The following POC1B variants were observed in gnomAD, a reference collection of about 807,000 sequenced individuals.
POC1B encodes POC1 centriolar protein B, also known as POC1 centriolar protein homolog B.
A neutral mutation model predicts 60.6 loss-of-function variants in POC1B; 44 were observed. That is an observed-to-expected ratio of 0.73 (90% confidence interval 0.57 to 0.93). POC1B has a LOEUF of 0.93. Ranked by LOEUF, POC1B falls within the 40% of genes least tolerant of loss-of-function variation. The pLI, the probability that POC1B is intolerant of heterozygous loss-of-function variation, is 0.00. For missense variants in POC1B, 555 were observed against 572.3 expected (o/e 0.97, Z 0.31); for synonymous variants, 180 against 198.9 (o/e 0.90, Z 0.80).
downstream of POC1B, among the ~76,000 whole-genome samples, chr12:89,419,537 G>C (rs560608433): frequency 7.2e-5 from 11 of 152,258 alleles, no homozygotes; most frequent in East Asian, 2.1e-3. Flanking sequence ...CTATGAGATT[G>C]TTAGAGATGC....
chr12:89,516,104 T>C (rs1021695005), intron 2 of POC1B, among the ~76,000 whole-genome samples: 2 of 152,136 alleles, frequency 1.3e-5, no homozygotes, highest in African/African-American at 4.8e-5. Flanking sequence ...TGATTCTCTA[T>C]TAGTTTCTTC....
intron 2 of POC1B, among the ~76,000 whole-genome samples, chr12:89,511,415 C>CAA (rs796324772): frequency 0.012 from 1,217 of 104,498 alleles, 19 homozygotes; most frequent in African/African-American, 0.039. Flanking sequence ...GACTCTGTCT[C>CAA]AAAAAAAAAA....
At chr12:89,423,076 C>A (rs1199553844) in intron 11 of POC1B, among the ~76,000 whole-genome samples, 1 of 152,108 alleles carries the variant, frequency 6.6e-6, no homozygotes, top group Non-Finnish European at 1.5e-5. Flanking sequence ...TTGATCTTAG[C>A]TCCCTGCAAC....
chr12:89,441,925 T>C (rs1367187560), intron 10 of POC1B, among the ~76,000 whole-genome samples: 2 of 152,148 alleles, frequency 1.3e-5, no homozygotes, highest in South Asian at 4.1e-4. Context: ...TATGACCTGA[T>C]AGAGCTGAAA....
At chr12:89,504,420 A>G (rs1033706136) in intron 2 of POC1B, among the ~76,000 whole-genome samples, 10 of 152,136 alleles carry the variant, frequency 6.6e-5, no homozygotes, top group Non-Finnish European at 1.5e-4. Context: ...GCTCCTTAAG[A>G]GTCATCACCA....
chr12:89,402,490 A>G, the POC1B span, among the ~76,000 whole-genome samples: 1 of 151,912 alleles, frequency 6.6e-6, no homozygotes, highest in African/African-American at 2.4e-5. Context: ...CCAGTACCCA[A>G]TAGTTATCTT....
chr12:89,467,961 T>C (rs1313078733), intron 7 of POC1B, among the ~76,000 whole-genome samples: 1 of 152,236 alleles, frequency 6.6e-6, no homozygotes, highest in African/African-American at 2.4e-5. Context: ...AGCTTTTACA[T>C]ATGTAAGTTC....
At chr12:89,413,744 T>C in the POC1B span, among the ~76,000 whole-genome samples, 1 of 152,154 alleles carries the variant, frequency 6.6e-6, no homozygotes. Flanking sequence ...TGAATTTTTT[T>C]TTACTTCCAT....
the POC1B span, among the ~76,000 whole-genome samples, chr12:89,404,300 CTG>C: frequency 6.6e-6 from 1 of 152,090 alleles, no homozygotes; most frequent in African/African-American, 2.4e-5. Context: ...TGGCCATGTT[CTG>C]TGTGTTTCCA....
intron 4 of POC1B, among the ~76,000 whole-genome samples, chr12:89,477,813 C>T (rs971998140): frequency 6.6e-6 from 1 of 152,148 alleles, no homozygotes; most frequent in African/African-American, 2.4e-5. Context: ...ATGCTCATAG[C>T]TCTCTAGGAC....
At chr12:89,503,133 CCT>C (rs1323865226) in intron 2 of POC1B, among the ~76,000 whole-genome samples, 4 of 149,312 alleles carry the variant, frequency 2.7e-5, no homozygotes, top group East Asian at 2.0e-4. Context: ...TCTCCCTCTC[CCT>C]CTCTTTCCAC....
At position 89,421,066 on chromosome 12, in the gene POC1B, T is replaced by C. The variant is rs753793807; in HGVS notation, c.*87A>G. On this transcript the variant is annotated 3_prime_UTR_variant, in exon 12 of 12. Coordinates refer to ENST00000313546, the MANE Select transcript of POC1B (RefSeq NM_172240.3). ...ATAAATAGCACATGGTTGTGTTGTA[T>C]GGAGTATCTTGTACTACCTTCCTGA... is the stretch of plus-strand genomic sequence containing the variant. 1.0e-6 allele frequency: 1 copy of C among 970,080 alleles called. No individual in the cohort carries two copies. Among genetic ancestry groups the C allele is most frequent in the Non-Finnish European group, 1.5e-6 (1 of 652,828 alleles). 60.1% of individuals were successfully genotyped at this position (970,080 alleles called of 1,614,324 possible). A position where few individuals can be genotyped will look rare whatever the true frequency, so the allele number is the denominator to read the frequency against.
intron 10 of POC1B, among the ~76,000 whole-genome samples, chr12:89,437,699 T>G (rs1881328650): frequency 6.6e-6 from 1 of 152,102 alleles, no homozygotes; most frequent in African/African-American, 2.4e-5. Flanking sequence ...CTCTTTCATT[T>G]GTACATTCTC....
chr12:89,521,098 A>ATTTTTTTTTTTTTTTTTT (rs201411448), intron 2 of POC1B: 1 of 113,250 alleles, frequency 8.8e-6, no homozygotes, highest in Non-Finnish European at 1.8e-5. Context: ...CAGCTCACTT[A>ATTTTTTTTTTTTTTTTTT]TTTTATTATT....
At chr12:89,402,909 A>G in the POC1B span, among the ~76,000 whole-genome samples, 1 of 151,878 alleles carries the variant, frequency 6.6e-6, no homozygotes, top group South Asian at 2.1e-4. Flanking sequence ...GAGACTAAAA[A>G]TGTTTCACCA....
intron 2 of POC1B, chr12:89,524,095 A>G (rs1180106926): frequency 7.4e-6 from 12 of 1,613,886 alleles, no homozygotes; most frequent in Non-Finnish European, 1.0e-5. Context: ...AATGGTACGG[A>G]GCAAAGTCGA....
chr12:89,481,075 T>C (rs1362489602), intron 4 of POC1B, among the ~76,000 whole-genome samples: 1 of 150,978 alleles, frequency 6.6e-6, no homozygotes, highest in Admixed American at 6.6e-5. Flanking sequence ...GTTAGGGCCA[T>C]GTTGGCCAGG....
Position 89,439,811 on chromosome 12 carries a change from G to A in POC1B, c.1114-14432C>T, listed in dbSNP as rs572828770. Reference sequence around the variant, plus strand: ...AGTAGAGATGGGGTTTTGCCATTTGGCCAGGCTGGTCTTGAACTCCTGACC... The same window carrying A: ...AGTAGAGATGGGGTTTTGCCATTTGACCAGGCTGGTCTTGAACTCCTGACC... On this transcript the variant is annotated intron_variant, in intron 10 of 11. Transcript: ENST00000313546. Among the ~76,000 whole-genome samples the A allele has an allele frequency of 2.0e-5, 3 of 152,150 alleles. No homozygotes were observed. The East Asian group carries it at 5.8e-4, about 29-fold the overall frequency.
At chr12:89,430,269 A>G (rs1276575774) in intron 10 of POC1B, among the ~76,000 whole-genome samples, 5 of 152,190 alleles carry the variant, frequency 3.3e-5, no homozygotes, top group Non-Finnish European at 5.9e-5. Flanking sequence ...AATACAAAAC[A>G]TATCACATCC....
Sources: allele counts gnomAD v4.1 joint callset (sites outside exome capture counted in the v4.1 genomes callset), GRCh38; gene constraint gnomAD v4.1.1; transcripts MANE v1.5; gene names NCBI Gene and HGNC (gene_info 2026-07-23, HGNC 2026-07-21).